The following LZTS3 variants were observed in gnomAD, a reference collection of about 807,000 sequenced individuals.
LZTS3 encodes leucine zipper tumor suppressor family member 3.
LZTS3 carries 16 observed loss-of-function variants against 50.9 expected under a neutral mutation model. The observed-to-expected ratio is 0.31, with a 90% CI of 0.21 to 0.48. LZTS3 has a LOEUF of 0.48. Among genes scored for constraint, LZTS3 ranks in the 20% least tolerant of loss-of-function variants. The pLI, the probability that LZTS3 is intolerant of heterozygous loss-of-function variation, is 0.99. For missense variants in LZTS3, 816 were observed against 931.0 expected (o/e 0.88, Z 1.61); for synonymous variants, 408 against 410.6 (o/e 0.99, Z 0.08).
Position 3,165,400 on chromosome 20 carries a change from C to T in LZTS3, c.1323+97G>A, listed in dbSNP as rs989119679. On this transcript the variant is annotated intron_variant, in intron 4 of 4. Coordinates refer to ENST00000337576, the MANE Select transcript of LZTS3 (RefSeq NM_001365618.1). This position sits in a 1 kb window ranked among gnomAD's most constrained non-coding sequence, Gnocchi z 5.0. ...CCCCCCTGCTCCTTTCATCCCCCCC[C>T]CCATCCCACCGTTATGATAGTGAGG... 1.9e-5 allele frequency: 25 copies of T among 1,287,240 alleles called. No homozygotes were observed. Among genetic ancestry groups the T allele is most frequent in the Middle Eastern group, 2.8e-4 (1 of 3,520 alleles). 79.7% of individuals were successfully genotyped at this position (1,287,240 alleles called of 1,614,324 possible). A position where few individuals can be genotyped will look rare whatever the true frequency, so the allele number is the denominator to read the frequency against.
chr20:3,164,668 C>T lies in LZTS3; in HGVS notation c.1808G>A (p.Arg603His), dbSNP rs755335789. 4.3e-6 allele frequency: 7 copies of T among 1,610,802 alleles called. No individual in the cohort carries two copies. Among genetic ancestry groups the T allele is most frequent in the Admixed American group, 3.3e-5 (2 of 59,720 alleles). ...CTTCTCCTTCTCCTCCAGCCACACG[C>T]GGCGCTCCTCGGCGAAGCTGGCACC... ...RQGASFAEER[R>H]VWLEEKEKVI... is the part of the protein sequence containing the mutation. The change falls in exon 5 of 5, where the codon CGC (arginine) becomes CAC (histidine). Residue 603 changes from arginine (R) to histidine (H), a missense_variant. Around this residue, in one of 3 missense-constraint regions of LZTS3, gnomAD observed 107 missense variants for 130.4 expected, o/e 0.82. Coordinates refer to ENST00000337576, the MANE Select transcript of LZTS3 (RefSeq NM_001365618.1).
Position 3,170,854 on chromosome 20 carries a change from G to A in LZTS3, c.-243+2601C>T, listed in dbSNP as rs559892488. Among the ~76,000 whole-genome samples, 8 of 152,330 alleles carry A rather than the reference G, an allele frequency of 5.3e-5. No homozygotes were observed. In the South Asian group the frequency reaches 1.7e-3, roughly 32 times the overall value. On this transcript the variant is annotated intron_variant, in intron 1 of 4. Coordinates refer to ENST00000337576, the MANE Select transcript of LZTS3 (RefSeq NM_001365618.1). ...AAAACAAAGGCAGTCCACAAGGCTA[G>A]AGGAGTGCAGAGAAAGACATGGCAG...
At chr20:3,172,024 C>T (rs996181908) in intron 1 of LZTS3, among the ~76,000 whole-genome samples, 2 of 152,164 alleles carry the variant, frequency 1.3e-5, no homozygotes, top group African/African-American at 4.8e-5. Flanking sequence ...TCAGAGGCCC[C>T]AACCCCAGCC....
Position 3,165,268 on chromosome 20 carries a change from C to A in LZTS3, c.1324-116G>T. 1 of 1,211,400 alleles carries A rather than the reference C, an allele frequency of 8.3e-7. No homozygotes were observed. The highest frequency in any genetic ancestry group is 1.1e-6 in the Non-Finnish European group (1 of 896,652). The allele number at this position is 1,211,400 out of a possible 1,614,324, so 75.0% of individuals were successfully genotyped here. A position where few individuals can be genotyped will look rare whatever the true frequency, so the allele number is the denominator to read the frequency against. ...AGCTTCCCGGGGCTGCAGGCTCAGC[C>A]CCTCATCAGCAGCGACGCACCCGAT... On this transcript the variant is annotated intron_variant, in intron 4 of 4. Transcript: ENST00000337576. The surrounding 1 kb of genome is among the most constrained non-coding windows in gnomAD (Gnocchi z 5.0).
At position 3,166,033 on chromosome 20, in the gene LZTS3, T is replaced by C. The variant is rs1270162350; in HGVS notation, c.787A>G (p.Ser263Gly). 24 of 1,612,600 alleles carry C rather than the reference T, an allele frequency of 1.5e-5. No individual in the cohort carries two copies. The highest frequency in any genetic ancestry group is 3.3e-5 in the South Asian group (3 of 90,916). Residue 263 changes from serine to glycine, a missense_variant, in exon 4 of 5, where the codon AGC becomes GGC. Ser to Gly is a moderately conservative substitution (Grantham distance 56). Transcript: ENST00000337576. ...TASYGSGSGG[S>G]SGGGSGYQDL... is the part of the protein sequence containing the mutation. ...TGGTAGCCCGACCCCCCACCGCTGCTGCCGCCACTACCACTACCATAGCTG... is the reference window on the plus strand; with the variant it reads ...TGGTAGCCCGACCCCCCACCGCTGCCGCCGCCACTACCACTACCATAGCTG...
At chr20:3,166,592 C>T (rs6084278) in intron 3 of LZTS3, 113 bp downstream of exon 3, 2 of 1,374,372 alleles carry the variant, frequency 1.5e-6, no homozygotes, top group South Asian at 1.3e-5. Context: ...CCAGCCCAGC[C>T]TCCATCCTGC....
chr20:3,170,305 C>T (rs536616122), intron 1 of LZTS3, among the ~76,000 whole-genome samples: 4 of 151,966 alleles, frequency 2.6e-5, no homozygotes, highest in East Asian at 1.9e-4. Flanking sequence ...GCCTGGCCAA[C>T]GTGGTGAAAC....
chr20:3,165,272 C>A lies in LZTS3; in HGVS notation c.1324-120G>T. 8.3e-7 allele frequency: 1 copy of A among 1,197,848 alleles called. No homozygotes were observed. The highest frequency in any genetic ancestry group is 1.1e-6 in the Non-Finnish European group (1 of 884,312). The allele number at this position is 1,197,848 out of a possible 1,614,324, so 74.2% of individuals were successfully genotyped here. A position where few individuals can be genotyped will look rare whatever the true frequency, so the allele number is the denominator to read the frequency against. ...TCCCGGGGCTGCAGGCTCAGCCCCT[C>A]ATCAGCAGCGACGCACCCGATTCCC... On this transcript the variant is annotated intron_variant, in intron 4 of 4. Coordinates refer to ENST00000337576, the MANE Select transcript of LZTS3 (RefSeq NM_001365618.1). This position sits in a 1 kb window ranked among gnomAD's most constrained non-coding sequence, Gnocchi z 5.0.
Position 3,167,027 on chromosome 20 carries a change from T to C in LZTS3, c.137A>G (p.His46Arg). 6.3e-7 allele frequency: 1 copy of C among 1,585,168 alleles called. No individual in the cohort carries two copies. Among genetic ancestry groups the C allele is most frequent in the Non-Finnish European group, 8.5e-7 (1 of 1,170,990 alleles). The change falls in exon 3 of 5, where the codon CAT (histidine) becomes CGT (arginine). Residue 46 changes from histidine (H) to arginine (R), a missense_variant. Around this residue, in one of 3 missense-constraint regions of LZTS3, gnomAD observed 700 missense variants for 769.4 expected, o/e 0.91. Coordinates refer to ENST00000337576, the MANE Select transcript of LZTS3 (RefSeq NM_001365618.1). The stretch of plus-strand genomic sequence containing the variant: ...GCTCTTCATGGCAAACTCCTGGGCA[T>C]GGGCCACCCCACTGCCCACGCTGCC... ...AMGSVGSGVA[H>R]AQEFAMKSVG...
In LZTS3 at chr20:3,164,885, C is replaced by T. The variant is rs1413104221; in HGVS notation, c.1591G>A (p.Asp531Asn). Reference sequence around the variant, plus strand: ...TCGCTCTCGCAGGTGGCCAGAGCATCCTGTGGCTCGGCCGGGTCCACGGGG... The same window carrying T: ...TCGCTCTCGCAGGTGGCCAGAGCATTCTGTGGCTCGGCCGGGTCCACGGGG... ...LTPVDPAEPQ[D>N]ALATCESDEA... The change falls in exon 5 of 5, where the codon GAT becomes AAT. Residue 531 changes from aspartate to asparagine, a missense_variant. This residue lies in a region of LZTS3 where 700 missense variants were observed against 769.4 expected (regional missense o/e 0.91). Coordinates refer to ENST00000337576, the MANE Select transcript of LZTS3 (RefSeq NM_001365618.1). 1 of 1,553,794 alleles carries T rather than the reference C, an allele frequency of 6.4e-7. No individual in the cohort carries two copies. Among genetic ancestry groups the T allele is most frequent in the South Asian group, 1.2e-5 (1 of 85,202 alleles).
rs565385918 is a variant in LZTS3, at chr20:3,164,052, G to A, written c.*402C>T. The A allele has an allele frequency of 5.8e-6, 1 of 173,036 alleles. No homozygotes were observed. Among genetic ancestry groups the A allele is most frequent in the Non-Finnish European group, 1.2e-5 (1 of 82,678 alleles). The allele number at this position is 173,036 out of a possible 1,614,324, so 10.7% of individuals were successfully genotyped here. ...CCCCCTCAGGCTCCATGGCCTAGGA[G>A]GTGAGCACAGAGAGCATCACTAGAC... is the stretch of plus-strand genomic sequence containing the variant. On this transcript the variant is annotated 3_prime_UTR_variant, in exon 5 of 5. Transcript: ENST00000337576.
rs1173106290 is a variant in LZTS3, at chr20:3,165,730, G to C, written c.1090C>G (p.Leu364Val). Reference sequence around the variant, plus strand: ...CTGCAGCCCTGCCGCAGCTCGGCCAGCTCCCGCTCCCACGCCTTCTGCCGC... The same window carrying C: ...CTGCAGCCCTGCCGCAGCTCGGCCACCTCCCGCTCCCACGCCTTCTGCCGC... The part of the protein sequence containing the change: ...EERQKAWERE[L>V]AELRQGCSGK... The change falls in exon 4 of 5, where the codon CTG becomes GTG. Residue 364 changes from leucine to valine, a missense_variant. This residue lies in a region of LZTS3 where 700 missense variants were observed against 769.4 expected (regional missense o/e 0.91). Transcript: ENST00000337576. This position sits in a 1 kb window ranked among gnomAD's most constrained non-coding sequence, Gnocchi z 5.0. 1.3e-6 allele frequency: 2 copies of C among 1,574,650 alleles called. No individual in the cohort carries two copies. Among genetic ancestry groups the C allele is most frequent in the South Asian group, 1.1e-5 (1 of 88,062 alleles).
rs1169851033 is a variant in LZTS3, at chr20:3,166,000, C to A, written c.820G>T (p.Gly274Trp). 4.3e-6 allele frequency: 7 copies of A among 1,613,516 alleles called. No homozygotes were observed. The highest frequency in any genetic ancestry group is 5.9e-6 in the Non-Finnish European group (7 of 1,179,998). ...GAGGCCCGTCCACTATCGGAGGTCC[C>A]CAGGTCCTGGTAGCCCGACCCCCCA... ...SGGGSGYQDL[G>W]TSDSGRASSK... Residue 274 changes from glycine to tryptophan, a missense_variant, in exon 4 of 5, where the codon GGG becomes TGG. Physicochemically the swap from Gly to Trp is radical, Grantham distance 184. Transcript: ENST00000337576. This position sits in a 1 kb window ranked among gnomAD's most constrained non-coding sequence, Gnocchi z 5.0.
At chr20:3,166,415 C>G in intron 3 of LZTS3, 55 bp from the exon 4 acceptor site, 3 of 1,526,426 alleles carry the variant, frequency 2.0e-6, no homozygotes, top group Non-Finnish European at 2.6e-6. Context: ...GGGCTTGGCC[C>G]AGGCTCTTCC....
rs762622553 is a variant in LZTS3 at position 3,165,687 on chromosome 20, A to C, written c.1133T>G (p.Val378Gly). The change falls in exon 4 of 5, where the codon GTG (valine) becomes GGG (glycine). Residue 378 changes from valine (V) to glycine (G), a missense_variant. By Grantham distance (109) the Val-to-Gly change is moderately radical. This residue lies in a region of LZTS3 where 700 missense variants were observed against 769.4 expected (regional missense o/e 0.91). Transcript: ENST00000337576. This position sits in a 1 kb window ranked among gnomAD's most constrained non-coding sequence, Gnocchi z 5.0. Reference protein sequence around the residue: ...RQGCSGKLQQVARRAQRAQQG... With the variant: ...RQGCSGKLQQGARRAQRAQQG... ...CTGGGCGCGCTGGGCACGTCGGGCC[A>C]CCTGCTGTAGCTTCCCGCTGCAGCC... is the stretch of plus-strand genomic sequence containing the variant. 6.3e-7 allele frequency: 1 copy of C among 1,578,130 alleles called. No homozygotes were observed. Among genetic ancestry groups the C allele is most frequent in the Non-Finnish European group, 8.5e-7 (1 of 1,170,352 alleles).
chr20:3,162,667 A>G lies in LZTS3; in HGVS notation c.*1787T>C, dbSNP rs1271723803. Reference sequence around the variant, plus strand: ...TTATTTCTTTGGGAAAGGAAAACAAAAAGTCTTTCCATCACATATGGTAGA... The same window carrying G: ...TTATTTCTTTGGGAAAGGAAAACAAGAAGTCTTTCCATCACATATGGTAGA... On this transcript the variant is annotated 3_prime_UTR_variant, in exon 5 of 5. Transcript: ENST00000337576. The surrounding 1 kb of genome is among the most constrained non-coding windows in gnomAD (Gnocchi z 5.0). The G allele has an allele frequency of 6.6e-6, 1 of 152,600 alleles. No homozygotes were observed. Among genetic ancestry groups the G allele is most frequent in the Non-Finnish European group, 1.5e-5 (1 of 68,040 alleles). 9.5% of individuals were successfully genotyped at this position (152,600 alleles called of 1,614,324 possible).
At chr20:3,168,745 C>T (rs1600451408) in intron 1 of LZTS3, among the ~76,000 whole-genome samples, 1 of 152,180 alleles carries the variant, frequency 6.6e-6, no homozygotes, top group Non-Finnish European at 1.5e-5. Flanking sequence ...TGGGAGAGGG[C>T]GCCCTTCAGG....
At position 3,165,430 on chromosome 20, in the gene LZTS3, A is replaced by G. The variant is rs770786088; in HGVS notation, c.1323+67T>C. ...CCCACCGTTATGATAGTGAGGGGCA[A>G]CTGCTCTGGGGTTTCCCAGAGGGAC... On this transcript the variant is annotated intron_variant, in intron 4 of 4. Transcript: ENST00000337576. This position sits in a 1 kb window ranked among gnomAD's most constrained non-coding sequence, Gnocchi z 5.0. The G allele has an allele frequency of 1.8e-6, 2 of 1,104,980 alleles. No homozygotes were observed. Among genetic ancestry groups the G allele is most frequent in the Non-Finnish European group, 2.4e-6 (2 of 837,076 alleles). The allele number at this position is 1,104,980 out of a possible 1,614,324, so 68.4% of individuals were successfully genotyped here.
At position 3,166,705 on chromosome 20, in the gene LZTS3, C is replaced by CTGG; in HGVS notation, c.456_458dup (p.Asp152_Gln153insHis). The CTGG allele has an allele frequency of 6.2e-7, 1 of 1,612,232 alleles. No homozygotes were observed. The highest frequency in any genetic ancestry group is 1.1e-5 in the South Asian group (1 of 91,042). On this transcript the variant is annotated inframe_insertion and splice_region_variant, in exon 3 of 5. Transcript: ENST00000337576. ...AGGGTCTCAGGCCCTGCGGACTGAC[C>CTGG]TGGTCTAGCTTGCCAGAGGTGGCCA...
Sources: allele counts gnomAD v4.1 joint callset (sites outside exome capture counted in the v4.1 genomes callset), GRCh38; gene constraint gnomAD v4.1.1; regional missense constraint gnomAD v4.1.1; non-coding constraint Gnocchi (gnomAD v3.1); transcripts MANE v1.5; gene names NCBI Gene and HGNC (gene_info 2026-07-23, HGNC 2026-07-21).